PSTPIP1: variants seen among roughly 807,000 people sequenced by gnomAD.
PSTPIP1 encodes the protein proline-serine-threonine phosphatase interacting protein 1.
Under a neutral mutation model 69.6 loss-of-function variants are expected in PSTPIP1, and 66 were observed. That is an observed-to-expected ratio of 0.95 (90% CI 0.78 to 1.16). PSTPIP1 has a LOEUF of 1.16. PSTPIP1 is among the 50% of genes most tolerant of loss of function. PSTPIP1 has a pLI of 0.00. For missense variants in PSTPIP1, 603 were observed against 557.4 expected (o/e 1.08, Z -0.82); for synonymous variants, 266 against 222.7 (o/e 1.19, Z -1.73).
chr15:77,020,876 G>A (rs959825286), intron 3 of PSTPIP1, among the ~76,000 whole-genome samples: 2 of 144,176 alleles, frequency 1.4e-5, no homozygotes, highest in African/African-American at 2.5e-5. Flanking sequence ...TGTGGGGGGG[G>A]GGGGTGTGTG....
chr15:77,033,284 T>C (rs1179574108), intron 12 of PSTPIP1, among the ~76,000 whole-genome samples: 2 of 152,236 alleles, frequency 1.3e-5, no homozygotes, highest in Non-Finnish European at 2.9e-5. Flanking sequence ...GTGGCAACGC[T>C]GTCTGGCTGG....
rs1326200943 is a variant in PSTPIP1 at position 77,027,275 on chromosome 15, G to A, written c.355-577G>A. ...CTTCTCTATCAGAACAGGAAGCCTG[G>A]GAGGTGAGGGGAGGCTTTGGCCCCA... On this transcript the variant is annotated intron_variant, in intron 5 of 14. Coordinates refer to ENST00000558012, the MANE Select transcript of PSTPIP1 (RefSeq NM_003978.5). The surrounding 1 kb of genome is among the most constrained non-coding windows in gnomAD (Gnocchi z 4.3). 6.6e-6 allele frequency among the ~76,000 whole-genome samples: 1 copy of A among 152,214 alleles called. No homozygotes were observed. The highest frequency in any genetic ancestry group is 1.9e-4 in the East Asian group (1 of 5,188).
chr15:77,021,790 G>A (rs907638161), intron 3 of PSTPIP1, among the ~76,000 whole-genome samples: 6 of 152,210 alleles, frequency 3.9e-5, no homozygotes, highest in African/African-American at 1.2e-4. Context: ...CTGGGCCTTT[G>A]CTCCTGCTGT....
intron 1 of PSTPIP1, among the ~76,000 whole-genome samples, chr15:77,006,805 G>A (rs2075823120): frequency 2.6e-5 from 4 of 152,192 alleles, no homozygotes; most frequent in Non-Finnish European, 4.4e-5. Context: ...TTGGTTATAT[G>A]TCTGTCCTTA....
At chr15:77,017,744 C>T (rs921095616) in intron 1 of PSTPIP1, among the ~76,000 whole-genome samples, 5 of 152,236 alleles carry the variant, frequency 3.3e-5, no homozygotes, top group African/African-American at 1.2e-4. Context: ...TCCTACACCT[C>T]GGTTTCCCCA....
At chr15:77,020,872 G>C (rs1015547448) in intron 3 of PSTPIP1, among the ~76,000 whole-genome samples, 17 of 130,500 alleles carry the variant, frequency 1.3e-4, no homozygotes, top group Admixed American at 3.7e-4. Flanking sequence ...CTCCTGTGGG[G>C]GGGGGGGGTG....
intron 7 of PSTPIP1, among the ~76,000 whole-genome samples, chr15:77,029,183 A>G (rs1488019012): frequency 6.6e-6 from 1 of 152,176 alleles, no homozygotes; most frequent in Non-Finnish European, 1.5e-5. Flanking sequence ...TGAGGCCCAG[A>G]GAGGGAAGTG....
rs1268024829 is a variant in PSTPIP1, at chr15:77,035,936, G to C, written c.1119+1G>C. On this transcript the variant is annotated splice_donor_variant, in intron 14 of 14. Transcript: ENST00000558012. LOFTEE classifies it high-confidence loss of function. The stretch of plus-strand genomic sequence containing the variant: ...GGCGCTCTACGATTATACAGCGCAG[G>C]TGAGGCCTCTATACCCCAAACCCAC... 6.3e-7 allele frequency: 1 copy of C among 1,596,714 alleles called. No homozygotes were observed. Among genetic ancestry groups the C allele is most frequent in the Non-Finnish European group, 8.5e-7 (1 of 1,174,046 alleles).
intron 13 of PSTPIP1, 79 bp downstream of exon 13, chr15:77,035,642 G>T: frequency 6.7e-7 from 1 of 1,493,032 alleles, no homozygotes; most frequent in Non-Finnish European, 9.1e-7. Flanking sequence ...CACAGATGGG[G>T]CCACTGAGGC....
chr15:77,000,482 C>T lies in PSTPIP1; in HGVS notation c.36+4873C>T, dbSNP rs1463342081. ...AGAGATATATATATATATATACACA[C>T]ACACACACACACACACACACATACA... On this transcript the variant is annotated intron_variant, in intron 1 of 14. Transcript: ENST00000558012. 4.1e-3 allele frequency among the ~76,000 whole-genome samples: 572 copies of T among 140,348 alleles called. 11 individuals are homozygous for T. Among genetic ancestry groups the T allele is most frequent in the African/African-American group, 0.015 (523 of 34,734 alleles). 92.1% of individuals were successfully genotyped at this position (140,348 alleles called of 152,430 possible).
At chr15:77,007,402 GTT>G in intron 1 of PSTPIP1, among the ~76,000 whole-genome samples, 1 of 152,254 alleles carries the variant, frequency 6.6e-6, no homozygotes, top group South Asian at 2.1e-4. Context: ...GAGCCCAGGA[GTT>G]CAAGACTAGC....
chr15:77,019,418 C>A (rs1469945319), intron 3 of PSTPIP1, among the ~76,000 whole-genome samples: 1 of 152,142 alleles, frequency 6.6e-6, no homozygotes, highest in Admixed American at 6.5e-5. Context: ...CCTTCTCCCC[C>A]GAGAGAGGAA....
intron 1 of PSTPIP1, among the ~76,000 whole-genome samples, chr15:77,004,208 A>C (rs1020966903): frequency 1.3e-5 from 2 of 152,212 alleles, no homozygotes; most frequent in African/African-American, 4.8e-5. Flanking sequence ...CCACCTTCCC[A>C]GGTCTGGGTC....
chr15:77,001,738 C>T (rs984540957), intron 1 of PSTPIP1, among the ~76,000 whole-genome samples: 11 of 152,106 alleles, frequency 7.2e-5, no homozygotes, highest in African/African-American at 1.9e-4. Context: ...TGCACCTGGT[C>T]GGCAACCCGT....
At chr15:77,023,138 G>T (rs1465855645) in intron 3 of PSTPIP1, among the ~76,000 whole-genome samples, 1 of 152,256 alleles carries the variant, frequency 6.6e-6, no homozygotes, top group African/African-American at 2.4e-5. Context: ...ATGAACCGGG[G>T]TGGCCCACAG....
intron 1 of PSTPIP1, among the ~76,000 whole-genome samples, chr15:76,997,173 G>A (rs966088178): frequency 4.6e-5 from 7 of 152,236 alleles, no homozygotes; most frequent in African/African-American, 1.7e-4. Context: ...CTTCCTGAGC[G>A]GCATCCTGCC....
At chr15:77,024,026 G>C (rs763610165) in intron 3 of PSTPIP1, 1 of 152,602 alleles carries the variant, frequency 6.6e-6, no homozygotes, top group African/African-American at 2.4e-5. Context: ...GGCCACGGGC[G>C]CAGCTCCTTC....
At chr15:77,003,528 T>C (rs1221248131) in intron 1 of PSTPIP1, among the ~76,000 whole-genome samples, 1 of 152,100 alleles carries the variant, frequency 6.6e-6, no homozygotes, top group Non-Finnish European at 1.5e-5. Flanking sequence ...TGGTGGCGCA[T>C]GCCTGTAATC....
At chr15:77,020,110 A>G (rs16968625) in intron 3 of PSTPIP1, among the ~76,000 whole-genome samples, 28,186 of 152,130 alleles carry the variant, frequency 0.19, 4,114 homozygotes, top group African/African-American at 0.41. Context: ...CAGCAGGGAA[A>G]GAGAAGCTAC....
Sources: allele counts gnomAD v4.1 joint callset (sites outside exome capture counted in the v4.1 genomes callset), GRCh38; gene constraint gnomAD v4.1.1; non-coding constraint Gnocchi (gnomAD v3.1); transcripts MANE v1.5; gene names NCBI Gene and HGNC (gene_info 2026-07-23, HGNC 2026-07-21).